The following NEK10 variants were observed in gnomAD, a reference collection of about 807,000 sequenced individuals.
NEK10 encodes NIMA related kinase 10, also known as serine/threonine-protein kinase Nek10.
Under a neutral mutation model 159.8 loss-of-function variants are expected in NEK10, and 122 were observed. The observed-to-expected ratio is 0.76, with a 90% CI of 0.66 to 0.89. NEK10 has a LOEUF of 0.89. Among genes scored for constraint, NEK10 ranks in the 40% least tolerant of loss-of-function variants. The pLI is 0.00. For missense variants in NEK10, 1,342 were observed against 1,323.1 expected (o/e 1.01, Z -0.22); for synonymous variants, 466 against 457.1 (o/e 1.02, Z -0.25).
intron 4 of NEK10, 43 bp from the exon 5 acceptor site, chr3:27,344,413 G>A (rs766857538): frequency 5.6e-6 from 6 of 1,063,178 alleles, no homozygotes; most frequent in South Asian, 4.1e-5. Flanking sequence ...ATAGAGATCA[G>A]GCTGTCTCAA....
chr3:27,163,076 T>C (rs34978733), intron 29 of NEK10, among the ~76,000 whole-genome samples: 49,607 of 151,848 alleles, frequency 0.33, 10,124 homozygotes, highest in East Asian at 0.76. Context: ...ATGTTATATA[T>C]AGTATTTTCT....
chr3:27,246,176 A>G (rs944440927), intron 23 of NEK10, among the ~76,000 whole-genome samples: 1 of 152,184 alleles, frequency 6.6e-6, no homozygotes, highest in Non-Finnish European at 1.5e-5. Flanking sequence ...ATCAGACTGA[A>G]AAATGCATAA....
At chr3:27,258,363 C>T (rs1575480120) in intron 22 of NEK10, among the ~76,000 whole-genome samples, 1 of 122,762 alleles carries the variant, frequency 8.1e-6, no homozygotes. Flanking sequence ...AATGCTATCC[C>T]TCCCCCCTCC....
chr3:27,158,800 T>C (rs1407048764), intron 30 of NEK10, among the ~76,000 whole-genome samples: 1 of 152,170 alleles, frequency 6.6e-6, no homozygotes, highest in Non-Finnish European at 1.5e-5. Context: ...AAATTTACAT[T>C]TGACCCACAC....
At chr3:27,132,712 G>C (rs909636371) in intron 31 of NEK10, among the ~76,000 whole-genome samples, 1 of 152,124 alleles carries the variant, frequency 6.6e-6, no homozygotes, top group African/African-American at 2.4e-5. Context: ...AGCACAGAAA[G>C]ATGAAGTGAC....
At chr3:27,253,023 TA>T in intron 23 of NEK10, 1 of 399,584 alleles carries the variant, frequency 2.5e-6, no homozygotes, top group Non-Finnish European at 4.9e-6. Context: ...ATAATTTTTT[TA>T]AAAATTTAAG....
chr3:27,113,590 A>G (rs1258010998), intron 35 of NEK10, among the ~76,000 whole-genome samples: 1 of 152,178 alleles, frequency 6.6e-6, no homozygotes, highest in African/African-American at 2.4e-5. Flanking sequence ...TCATACCTTC[A>G]TAATAGATTC....
intron 11 of NEK10, among the ~76,000 whole-genome samples, chr3:27,305,347 G>C (rs2044153371): frequency 6.6e-6 from 1 of 152,042 alleles, no homozygotes; most frequent in Admixed American, 6.6e-5. Flanking sequence ...CATCATCGTT[G>C]GTCTGATTAA....
intron 23 of NEK10, chr3:27,252,350 C>A: frequency 6.2e-6 from 2 of 321,618 alleles, no homozygotes; most frequent in Non-Finnish European, 1.3e-5. Flanking sequence ...AACTCTGCAG[C>A]TATCTCTGAA....
chr3:27,183,858 A>G (rs1948370515), intron 26 of NEK10, among the ~76,000 whole-genome samples: 2 of 152,178 alleles, frequency 1.3e-5, no homozygotes, highest in South Asian at 4.1e-4. Flanking sequence ...CTCATTGATC[A>G]TCAGGAAAAT....
intron 23 of NEK10, among the ~76,000 whole-genome samples, chr3:27,236,733 G>C (rs532460227): frequency 2.0e-5 from 3 of 152,266 alleles, no homozygotes; most frequent in Admixed American, 1.3e-4. Context: ...GGGCAATAAA[G>C]ATGACAAGGC....
chr3:27,113,500 T>C (rs1939921088), intron 35 of NEK10, among the ~76,000 whole-genome samples: 1 of 149,612 alleles, frequency 6.7e-6, no homozygotes, highest in Non-Finnish European at 1.5e-5. Flanking sequence ...GATTTTTAAA[T>C]GTGATTCATT....
chr3:27,252,354 C>A, intron 23 of NEK10: 1 of 311,666 alleles, frequency 3.2e-6, no homozygotes, highest in Admixed American at 3.2e-5. Context: ...CTGCAGCTAT[C>A]TCTGAAGGAA....
chr3:27,361,064 C>G (rs1391570368), intron 1 of NEK10, among the ~76,000 whole-genome samples: 1 of 152,198 alleles, frequency 6.6e-6, no homozygotes, highest in African/African-American at 2.4e-5. Flanking sequence ...TCATTTTCCT[C>G]TGGCTAATAC....
At chr3:27,261,588 C>T (rs200183791) in intron 22 of NEK10, among the ~76,000 whole-genome samples, 8 of 152,270 alleles carry the variant, frequency 5.3e-5, no homozygotes, top group Middle Eastern at 3.4e-3. Flanking sequence ...GTCTGAGAGA[C>T]AGTTTGTTAT....
intron 22 of NEK10, among the ~76,000 whole-genome samples, chr3:27,272,671 C>G (rs755734672): frequency 2.6e-5 from 4 of 152,166 alleles, no homozygotes; most frequent in Admixed American, 6.5e-5. Flanking sequence ...TGTCCATTTA[C>G]TCATTTGTCC....
intron 31 of NEK10, among the ~76,000 whole-genome samples, chr3:27,134,264 T>C (rs943268582): frequency 6.6e-5 from 10 of 152,072 alleles, no homozygotes; most frequent in Non-Finnish European, 7.4e-5. Flanking sequence ...AGCAGGAAGA[T>C]GGGATGGAGT....
At chr3:27,331,262 A>AAAAAAAAAAAAACAAAAAAAAAC in intron 5 of NEK10, among the ~76,000 whole-genome samples, 1 of 110,082 alleles carries the variant, frequency 9.1e-6, no homozygotes, top group Non-Finnish European at 2.0e-5. Context: ...AAAAAAAAAA[A>AAAAAAAAAAAAACAAAAAAAAAC]ACACACAAAC....
chr3:27,147,235 G>A (rs1336897170), intron 30 of NEK10, among the ~76,000 whole-genome samples: 1 of 152,186 alleles, frequency 6.6e-6, no homozygotes, highest in Non-Finnish European at 1.5e-5. Context: ...CACATGGGGA[G>A]CAGGAGCCAA....
Sources: allele counts gnomAD v4.1 joint callset (sites outside exome capture counted in the v4.1 genomes callset), GRCh38; gene constraint gnomAD v4.1.1; transcripts MANE v1.5; gene names NCBI Gene and HGNC (gene_info 2026-07-23, HGNC 2026-07-21).